The following CACNA2D1 variants were observed in gnomAD, a reference collection of about 807,000 sequenced individuals.
The protein encoded by CACNA2D1 is calcium voltage-gated channel auxiliary subunit alpha2delta 1.
In CACNA2D1, 53 loss-of-function variants were observed where a neutral mutation model predicts 171.5. That is an observed-to-expected ratio of 0.31 (90% confidence interval 0.25 to 0.39). CACNA2D1 has a LOEUF of 0.39. CACNA2D1 is among the 10% of genes least tolerant of loss of function. The pLI is 1.00. For synonymous variants in CACNA2D1, 442 were observed against 443.1 expected (o/e 1.00, Z 0.03); for missense variants, 903 against 1,299.8 (o/e 0.69, Z 4.69).
At chr7:82,128,310 G>T (rs1418239256) in intron 5 of CACNA2D1, among the ~76,000 whole-genome samples, 2 of 152,092 alleles carry the variant, frequency 1.3e-5, no homozygotes, top group East Asian at 3.9e-4. Context: ...CAATCGTAAG[G>T]AGACATTAAT....
chr7:82,043,919 G>A (rs187857961), intron 10 of CACNA2D1, among the ~76,000 whole-genome samples: 9 of 152,286 alleles, frequency 5.9e-5, no homozygotes, highest in Admixed American at 2.0e-4. Context: ...GTGCAGTCAA[G>A]TAGTTCTGCA....
At chr7:82,133,590 A>C (rs879319304) in intron 5 of CACNA2D1, among the ~76,000 whole-genome samples, 6 of 152,174 alleles carry the variant, frequency 3.9e-5, no homozygotes, top group Non-Finnish European at 8.8e-5. Flanking sequence ...AAATAAGTTT[A>C]AAACTTTGAA....
chr7:81,974,554 T>G lies in CACNA2D1; in HGVS notation c.1956-2A>C. The G allele has an allele frequency of 1.4e-6, 2 of 1,394,462 alleles. No homozygotes were observed. Among genetic ancestry groups the G allele is most frequent in the Non-Finnish European group, 2.0e-6 (2 of 993,092 alleles). The allele number at this position is 1,394,462 out of a possible 1,614,324, so 86.4% of individuals were successfully genotyped here. On this transcript the variant is annotated splice_acceptor_variant, in intron 24 of 38. Transcript: ENST00000356860. LOFTEE classifies it high-confidence loss of function. The stretch of plus-strand genomic sequence containing the variant: ...ATTTTCAGGTCATTGCAGTAATCTC[T>G]GAAAAAAAAACATTTTGAGATATTA...
intron 3 of CACNA2D1, among the ~76,000 whole-genome samples, chr7:82,220,093 T>C (rs1801583637): frequency 6.6e-6 from 1 of 152,194 alleles, no homozygotes; most frequent in African/African-American, 2.4e-5. Flanking sequence ...ATAGTGATAC[T>C]TGGTTTCCAC....
At chr7:81,978,267 A>C (rs1300166365) in intron 24 of CACNA2D1, among the ~76,000 whole-genome samples, 1 of 152,154 alleles carries the variant, frequency 6.6e-6, no homozygotes, top group Non-Finnish European at 1.5e-5. Flanking sequence ...AAATCATTCT[A>C]TAAAGACACA....
At position 81,964,093 on chromosome 7, in the gene CACNA2D1, T is replaced by G. The variant is rs1425607202; in HGVS notation, c.2743A>C (p.Ile915Leu). 1 of 1,612,262 alleles carries G rather than the reference T, an allele frequency of 6.2e-7. No homozygotes were observed. Among genetic ancestry groups the G allele is most frequent in the Non-Finnish European group, 8.5e-7 (1 of 1,178,908 alleles). The part of the protein sequence containing the change: ...RSAYVPSVAD[I>L]LQIGWWATAA... Reference sequence around the variant, plus strand: ...GTGGCCCACCAGCCAATTTGTAATATGTCTGCTACTGATGGCTATAAAATA... The same window carrying G: ...GTGGCCCACCAGCCAATTTGTAATAGGTCTGCTACTGATGGCTATAAAATA... Residue 915 changes from isoleucine to leucine, a missense_variant, in exon 34 of 39, where the codon ATA becomes CTA. Around this residue, in one of 5 missense-constraint regions of CACNA2D1, gnomAD observed 623 missense variants for 925.5 expected, o/e 0.67. Transcript: ENST00000356860.
intron 3 of CACNA2D1, among the ~76,000 whole-genome samples, chr7:82,244,869 T>C (rs1430541108): frequency 6.6e-6 from 1 of 152,134 alleles, no homozygotes; most frequent in Admixed American, 6.5e-5. Flanking sequence ...AAAATCTGTT[T>C]CCACAATCTT....
intron 1 of CACNA2D1, among the ~76,000 whole-genome samples, chr7:82,435,030 CTTTT>C (rs764179836): frequency 8.3e-5 from 7 of 84,338 alleles, no homozygotes; most frequent in Admixed American, 6.4e-4. Context: ...TCTTCAGATA[CTTTT>C]TTTTTTTTTT....
At chr7:82,392,420 A>T (rs4728506) in intron 1 of CACNA2D1, among the ~76,000 whole-genome samples, 1 of 152,122 alleles carries the variant, frequency 6.6e-6, no homozygotes, top group East Asian at 1.9e-4. Flanking sequence ...CAGTTGTCGG[A>T]GTAACCTCAT....
chr7:82,247,572 G>A (rs1422641998), intron 3 of CACNA2D1, among the ~76,000 whole-genome samples: 1 of 152,016 alleles, frequency 6.6e-6, no homozygotes, highest in Admixed American at 6.6e-5. Context: ...ACTGAGGTCT[G>A]TCCAAAGTAA....
At chr7:82,375,232 G>C (rs1585709253) in intron 1 of CACNA2D1, among the ~76,000 whole-genome samples, 1 of 152,000 alleles carries the variant, frequency 6.6e-6, no homozygotes, top group Admixed American at 6.6e-5. Flanking sequence ...AAACACTGAG[G>C]TCTTTCACTT....
At chr7:82,107,594 T>A (rs1787906974) in intron 6 of CACNA2D1, among the ~76,000 whole-genome samples, 1 of 150,932 alleles carries the variant, frequency 6.6e-6, no homozygotes, top group Admixed American at 6.6e-5. Flanking sequence ...AACTTTTTTT[T>A]TTTTTTTTTG....
intron 3 of CACNA2D1, among the ~76,000 whole-genome samples, chr7:82,194,039 G>A (rs907311374): frequency 6.6e-5 from 10 of 151,936 alleles, no homozygotes; most frequent in African/African-American, 1.7e-4. Flanking sequence ...TTCTGGTAAC[G>A]AATCTCCTTA....
intron 5 of CACNA2D1, among the ~76,000 whole-genome samples, chr7:82,122,340 G>A (rs189958905): frequency 2.0e-5 from 3 of 152,136 alleles, no homozygotes; most frequent in Non-Finnish European, 4.4e-5. Context: ...CGCTGATGAG[G>A]ATTATAATGA....
At chr7:82,295,085 C>T (rs1469171231) in intron 3 of CACNA2D1, among the ~76,000 whole-genome samples, 2 of 152,064 alleles carry the variant, frequency 1.3e-5, no homozygotes, top group East Asian at 1.9e-4. Flanking sequence ...CTTGAGACAT[C>T]GTTTTTGGAG....
At chr7:82,428,540 AG>A (rs1389944233) in intron 1 of CACNA2D1, among the ~76,000 whole-genome samples, 1 of 152,182 alleles carries the variant, frequency 6.6e-6, no homozygotes, top group Non-Finnish European at 1.5e-5. Flanking sequence ...TAATCTCCAT[AG>A]ATGCCTCCAG....
intron 1 of CACNA2D1, among the ~76,000 whole-genome samples, chr7:82,367,536 C>A (rs879298902): frequency 4.6e-5 from 7 of 152,112 alleles, no homozygotes; most frequent in Non-Finnish European, 7.4e-5. Flanking sequence ...CACTCACAAC[C>A]ATGCAATTAT....
chr7:82,123,051 G>T (rs1279998827), intron 5 of CACNA2D1, among the ~76,000 whole-genome samples: 1 of 152,104 alleles, frequency 6.6e-6, no homozygotes, highest in African/African-American at 2.4e-5. Context: ...ACTAATCCAG[G>T]ACGACTGGGA....
intron 4 of CACNA2D1, among the ~76,000 whole-genome samples, chr7:82,138,440 G>GTT (rs1423711232): frequency 1.0e-5 from 1 of 95,352 alleles, no homozygotes; most frequent in Non-Finnish European, 2.2e-5. Flanking sequence ...TGTTTTTTTT[G>GTT]TTTTTTTTGT....
Sources: allele counts gnomAD v4.1 joint callset (sites outside exome capture counted in the v4.1 genomes callset), GRCh38; gene constraint gnomAD v4.1.1; regional missense constraint gnomAD v4.1.1; transcripts MANE v1.5; gene names NCBI Gene and HGNC (gene_info 2026-07-23, HGNC 2026-07-21).